Variants in MON2 observed in about 807,000 individuals in gnomAD.
The protein encoded by MON2 is protein MON2 homolog.
MON2 carries 84 observed loss-of-function variants against 208.6 expected under a neutral mutation model. The observed-to-expected ratio is 0.40, with a 90% CI of 0.34 to 0.48. The LOEUF (loss-of-function observed/expected upper bound fraction) is 0.48. Ranked by LOEUF, MON2 falls within the 20% of genes least tolerant of loss-of-function variation. The pLI, the probability that MON2 is intolerant of heterozygous loss-of-function variation, is 0.59. For missense variants in MON2, 1,611 were observed against 2,015.4 expected, an observed-to-expected ratio of 0.80 and a Z score of 3.84; for synonymous variants, 660 against 694.0, an observed-to-expected ratio of 0.95 and a Z score of 0.77.
intron 7 of MON2, among the ~76,000 whole-genome samples, chr12:62,504,649 T>C (rs912583669): frequency 1.3e-5 from 2 of 151,996 alleles, no homozygotes; most frequent in African/African-American, 4.8e-5. Flanking sequence ...AATTTCATCC[T>C]GTACAATTTT....
Position 62,571,548 on chromosome 12 carries a change from G to C in MON2, c.4480G>C (p.Ala1494Pro). ...GKFDSMWPELANTFEDFLFTK... is the reference protein window; with the variant it reads ...GKFDSMWPELPNTFEDFLFTK... Reference sequence around the variant, plus strand: ...ATTTGACAGTATGTGGCCAGAACTAGCCAATACTTTTGAAGATTTTCTCTT... The same window carrying C: ...ATTTGACAGTATGTGGCCAGAACTACCCAATACTTTTGAAGATTTTCTCTT... Residue 1494 changes from alanine (A) to proline (P), a missense_variant, in exon 30 of 35, where the codon GCC becomes CCC. Transcript: ENST00000393630. 6.2e-7 allele frequency: 1 copy of C among 1,611,838 alleles called. No individual in the cohort carries two copies. The highest frequency in any genetic ancestry group is 8.5e-7 in the Non-Finnish European group (1 of 1,179,382).
chr12:62,500,298 G>A (rs1479045658), intron 5 of MON2, among the ~76,000 whole-genome samples: 3 of 152,204 alleles, frequency 2.0e-5, no homozygotes, highest in African/African-American at 7.2e-5. Flanking sequence ...GAAATGCTGA[G>A]TTGGGAAACA....
At chr12:62,495,351 C>T (rs1188061758) in intron 4 of MON2, among the ~76,000 whole-genome samples, 1 of 151,882 alleles carries the variant, frequency 6.6e-6, no homozygotes, top group Non-Finnish European at 1.5e-5. Flanking sequence ...TTAAGCAAAG[C>T]CCCTTGGGTA....
At chr12:62,583,975 CAAAA>C (rs942616967) in intron 32 of MON2, among the ~76,000 whole-genome samples, 3 of 119,324 alleles carry the variant, frequency 2.5e-5, no homozygotes, top group Non-Finnish European at 5.4e-5. Flanking sequence ...AAAAAAAAAA[CAAAA>C]AAAAAAAACA....
At chr12:62,503,868 C>G (rs1452014021) in intron 7 of MON2, among the ~76,000 whole-genome samples, 1 of 152,170 alleles carries the variant, frequency 6.6e-6, no homozygotes, top group East Asian at 1.9e-4. Flanking sequence ...TCCCCAACCA[C>G]GTTGTGTAAA....
chr12:62,514,528 C>G (rs549241772), intron 8 of MON2, among the ~76,000 whole-genome samples: 40 of 152,276 alleles, frequency 2.6e-4, no homozygotes, highest in Admixed American at 2.4e-3. Context: ...CAGAGAAACT[C>G]CCTTTTTAAA....
chr12:62,548,747 CTAA>C (rs1459699498), intron 22 of MON2, among the ~76,000 whole-genome samples: 3 of 152,144 alleles, frequency 2.0e-5, no homozygotes, highest in Non-Finnish European at 4.4e-5. Flanking sequence ...ATGTGACATA[CTAA>C]GCACTCAGAG....
At chr12:62,516,647 C>T (rs193024476) in intron 8 of MON2, among the ~76,000 whole-genome samples, 5 of 152,090 alleles carry the variant, frequency 3.3e-5, no homozygotes, top group Admixed American at 6.5e-5. Flanking sequence ...GAGGTTGCGG[C>T]GAGCCAAGAT....
chr12:62,494,826 G>T lies in MON2; in HGVS notation c.304-190G>T, dbSNP rs533718468. On this transcript the variant is annotated intron_variant, in intron 3 of 34. Transcript: ENST00000393630. ...AAATAGGATATTACAATTTTTGAGG[G>T]AGAGAATTGATTGTAAGTCCTAAAT... is the stretch of plus-strand genomic sequence containing the variant. Among the ~76,000 whole-genome samples the T allele has an allele frequency of 2.9e-4, 44 of 152,276 alleles. 1 individual carries two copies. In the South Asian group the frequency reaches 8.9e-3, roughly 31 times the overall value.
Position 62,538,473 on chromosome 12 carries a change from G to A in MON2, c.2332G>A (p.Glu778Lys). 3.1e-6 allele frequency: 5 copies of A among 1,608,558 alleles called. No individual in the cohort carries two copies. The highest frequency in any genetic ancestry group is 1.3e-5 in the African/African-American group (1 of 74,874). ...LINALCSLSL[E>K]AMDMAYGNNK... Reference sequence around the variant, plus strand: ...AAATGCACTTTGCTCCTTGTCTCTAGAAGCAATGGATATGGCCTATGGAAA... The same window carrying A: ...AAATGCACTTTGCTCCTTGTCTCTAAAAGCAATGGATATGGCCTATGGAAA... The change falls in exon 19 of 35, where the codon GAA becomes AAA. Residue 778 changes from glutamate to lysine, a missense_variant. Glu to Lys is a moderately conservative substitution (Grantham distance 56). Transcript: ENST00000393630.
rs528117737 is a variant in MON2, at chr12:62,590,203, G to A, written c.4990+2047G>A. On this transcript the variant is annotated intron_variant, in intron 34 of 34. Transcript: ENST00000393630. ...CCTCCTGGGCTCAAGCGATCCTCCC[G>A]TCTTAGCCTCCCAAGTAGCTGGGAC... Among the ~76,000 whole-genome samples, 190 of 152,156 alleles carry A rather than the reference G, an allele frequency of 1.2e-3. 1 individual carries two copies. The highest frequency in any genetic ancestry group is 2.6e-3 in the Non-Finnish European group (177 of 68,000).
intron 25 of MON2, among the ~76,000 whole-genome samples, chr12:62,557,635 A>G (rs1467425585): frequency 1.2e-4 from 18 of 152,106 alleles, no homozygotes; most frequent in African/African-American, 4.1e-4. Flanking sequence ...GGCATTTTTT[A>G]AACTAATTTA....
intron 1 of MON2, among the ~76,000 whole-genome samples, chr12:62,482,100 G>T (rs186398261): frequency 6.6e-6 from 1 of 152,336 alleles, no homozygotes; most frequent in Non-Finnish European, 1.5e-5. Context: ...TCATCAGAAA[G>T]AATTCTTTGT....
chr12:62,519,675 AT>A (rs1035384717), intron 8 of MON2, among the ~76,000 whole-genome samples: 3 of 151,976 alleles, frequency 2.0e-5, no homozygotes, highest in Non-Finnish European at 2.9e-5. Flanking sequence ...TTCTGTTGTG[AT>A]TTTTTTTGGG....
rs764286897 is a variant in MON2, at chr12:62,592,741, G to GA, written c.5148dup (p.Ser1717IlefsTer15). The GA allele has an allele frequency of 6.3e-7, 1 of 1,592,836 alleles. No individual in the cohort carries two copies. The highest frequency in any genetic ancestry group is 8.6e-7 in the Non-Finnish European group (1 of 1,164,214). ...ACCAGCATCCAGAGTTCAAAATGGA[G>GA]AATCTTGACCGGCTACAATATATTT... is the stretch of plus-strand genomic sequence containing the variant. On this transcript the variant is annotated frameshift_variant, in exon 35 of 35. Coordinates refer to ENST00000393630, the MANE Select transcript of MON2 (RefSeq NM_015026.3). LOFTEE classifies it high-confidence loss of function.
At chr12:62,499,081 T>A in intron 5 of MON2, 33 bp downstream of exon 5, 1 of 1,603,922 alleles carries the variant, frequency 6.2e-7, no homozygotes, top group Non-Finnish European at 8.5e-7. Flanking sequence ...ACTTTGTGGG[T>A]GGTTCTTGGA....
chr12:62,517,428 A>G (rs950457692), intron 8 of MON2, among the ~76,000 whole-genome samples: 4 of 152,102 alleles, frequency 2.6e-5, no homozygotes, highest in Non-Finnish European at 4.4e-5. Context: ...GGGTTGAACT[A>G]TATCCCCCAA....
Position 62,534,920 on chromosome 12 carries a change from A to G in MON2, c.1709A>G (p.Asp570Gly). 3.1e-6 allele frequency: 5 copies of G among 1,609,470 alleles called. No homozygotes were observed. The highest frequency in any genetic ancestry group is 4.2e-6 in the Non-Finnish European group (5 of 1,176,506). The change falls in exon 13 of 35, where the codon GAT becomes GGT. Residue 570 changes from aspartate to glycine, a missense_variant. Transcript: ENST00000393630. ...GLLAALSLLL[D>G]ASTDEAATEN... ...CTTGCTGCACTCTCACTCCTTCTTG[A>G]TGCCAGGTATTAAGTCTTTGTAAGT... is the stretch of plus-strand genomic sequence containing the variant.
intron 20 of MON2, among the ~76,000 whole-genome samples, chr12:62,543,567 A>AG (rs1464040708): frequency 2.2e-4 from 33 of 151,832 alleles, no homozygotes; most frequent in Non-Finnish European, 3.8e-4. Flanking sequence ...AACACTGCTC[A>AG]TTTATAGCCT....
Sources: gnomAD v4.1 joint callset for allele counts (sites outside exome capture counted in the v4.1 genomes callset) on GRCh38, gnomAD v4.1.1 for gene constraint, MANE v1.5 for transcripts, NCBI Gene and HGNC (gene_info 2026-07-23, HGNC 2026-07-21) for gene names.